Variants in ZNF324 observed in about 807,000 individuals in gnomAD.
The protein encoded by ZNF324 is zinc finger protein 324A.
A neutral mutation model predicts 10.3 loss-of-function variants in ZNF324; 3 were observed. That is an observed-to-expected ratio of 0.29 (90% CI 0.13 to 0.75). The LOEUF is 0.75. ZNF324 is among the 30% of genes least tolerant of loss of function. The pLI, the probability that ZNF324 is intolerant of heterozygous loss-of-function variation, is 0.69. For missense variants in ZNF324, 763 were observed against 784.4 expected (o/e 0.97, Z 0.33); for synonymous variants, 430 against 339.5 (o/e 1.27, Z -2.93).
In ZNF324 at chr19:58,471,040, C is replaced by A; in HGVS notation, c.548C>A (p.Ala183Glu). 6.2e-7 allele frequency: 1 copy of A among 1,614,022 alleles called. No homozygotes were observed. The highest frequency in any genetic ancestry group is 8.5e-7 in the Non-Finnish European group (1 of 1,180,038). ...RLREKTLTEH[A>E]LLGRQPRTPE... ...AGAGAAAAGACACTCACAGAGCATGCGTTGCTGGGGAGGCAGCCCAGGACG... is the reference window on the plus strand; with the variant it reads ...AGAGAAAAGACACTCACAGAGCATGAGTTGCTGGGGAGGCAGCCCAGGACG... Residue 183 changes from alanine (A) to glutamate (E), a missense_variant, in exon 4 of 4, where the codon GCG (alanine) becomes GAG (glutamate). By Grantham distance (107) the Ala-to-Glu change is moderately radical (BLOSUM62 -1). Coordinates refer to ENST00000196482, the MANE Select transcript of ZNF324 (RefSeq NM_014347.3).
rs759563645 is a variant in ZNF324 at position 58,471,755 on chromosome 19, C to G, written c.1263C>G (p.Gly421=). ...SLFKHQRVHT[G]EKPFACPQCG... ...TTAAGCACCAGCGCGTGCACACAGG[C>G]GAGAAGCCCTTCGCCTGCCCACAGT... Residue 421 remains glycine, a synonymous_variant, in exon 4 of 4, where the codon GGC becomes GGG. Transcript: ENST00000196482. 9.3e-6 allele frequency: 15 copies of G among 1,612,700 alleles called. No homozygotes were observed. The highest frequency in any genetic ancestry group is 1.3e-5 in the Non-Finnish European group (15 of 1,179,696).
At chr19:58,469,083 C>T in intron 1 of ZNF324, 97 bp from the exon 2 acceptor site, 1 of 1,492,234 alleles carries the variant, frequency 6.7e-7, no homozygotes, top group East Asian at 2.3e-5. Context: ...TTATGTGTTG[C>T]CCAAGACAAT....
intron 1 of ZNF324, 115 bp from the exon 2 acceptor site, chr19:58,469,055 TATTAGTGTTA>T: frequency 1.8e-6 from 2 of 1,133,620 alleles, no homozygotes; most frequent in South Asian, 1.4e-5. Context: ...CATCAGCTGT[TATTAGTGTTA>T]ATGTATTTTA....
chr19:58,472,243 C>A lies in ZNF324; in HGVS notation c.*89C>A. ...TGCAGATCCACAGCAGAGAAAAAGTCCCGTGCTTGCTAGTCAGGGACAAGG... is the reference window on the plus strand; with the variant it reads ...TGCAGATCCACAGCAGAGAAAAAGTACCGTGCTTGCTAGTCAGGGACAAGG... On this transcript the variant is annotated 3_prime_UTR_variant, in exon 4 of 4. Coordinates refer to ENST00000196482, the MANE Select transcript of ZNF324 (RefSeq NM_014347.3). The A allele has an allele frequency of 1.5e-6, 2 of 1,342,536 alleles. No homozygotes were observed. The highest frequency in any genetic ancestry group is 2.0e-6 in the Non-Finnish European group (2 of 1,008,600). 83.2% of individuals were successfully genotyped at this position (1,342,536 alleles called of 1,614,324 possible).
chr19:58,469,773 G>A lies in ZNF324; in HGVS notation c.167G>A (p.Gly56Asp). 1 of 1,595,194 alleles carries A rather than the reference G, an allele frequency of 6.3e-7. No individual in the cohort carries two copies. Among genetic ancestry groups the A allele is most frequent in the Non-Finnish European group, 8.5e-7 (1 of 1,171,066 alleles). The stretch of plus-strand genomic sequence containing the variant: ...CGTGTGGTCATCCAACTGGAGCGTG[G>A]CGAGGAGCCCTGGGTTCCCAGTGGA... The part of the protein sequence containing the change: ...RPRVVIQLER[G>D]EEPWVPSGTD... The change falls in exon 3 of 4, where the codon GGC becomes GAC. Residue 56 changes from glycine to aspartate, a missense_variant. Physicochemically the swap from Gly to Asp is moderately conservative, Grantham distance 94. Coordinates refer to ENST00000196482, the MANE Select transcript of ZNF324 (RefSeq NM_014347.3).
At position 58,473,632 on chromosome 19, in the gene ZNF324, G is replaced by A. The variant is rs777420632; in HGVS notation, c.*1478G>A. The A allele has an allele frequency of 6.6e-6, 1 of 152,202 alleles. No individual in the cohort carries two copies. Among genetic ancestry groups the A allele is most frequent in the East Asian group, 1.9e-4 (1 of 5,194 alleles). The allele number at this position is 152,202 out of a possible 1,614,324, so 9.4% of individuals were successfully genotyped here. On this transcript the variant is annotated 3_prime_UTR_variant, in exon 4 of 4. Coordinates refer to ENST00000196482, the MANE Select transcript of ZNF324 (RefSeq NM_014347.3). ...TATTTCACCCTCATACAATGCAGAT[G>A]GTATTGAACATACCCTGACATGCCA...
rs527718899 is a variant in ZNF324 at position 58,473,652 on chromosome 19, A to G, written c.*1498A>G. On this transcript the variant is annotated 3_prime_UTR_variant, in exon 4 of 4. Transcript: ENST00000196482. The stretch of plus-strand genomic sequence containing the variant: ...CAGATGGTATTGAACATACCCTGAC[A>G]TGCCATCAGCGTTTGTCATCATCAC... 2 of 152,356 alleles carry G rather than the reference A, an allele frequency of 1.3e-5. No homozygotes were observed. Among genetic ancestry groups the G allele is most frequent in the Non-Finnish European group, 1.5e-5 (1 of 68,050 alleles). The allele number at this position is 152,356 out of a possible 1,614,324, so 9.4% of individuals were successfully genotyped here.
At position 58,470,720 on chromosome 19, in the gene ZNF324, T is replaced by C. The variant is rs2053021805; in HGVS notation, c.239-11T>C. 1 of 1,614,106 alleles carries C rather than the reference T, an allele frequency of 6.2e-7. No individual in the cohort carries two copies. The highest frequency in any genetic ancestry group is 1.3e-5 in the African/African-American group (1 of 74,928). ...GGATGCCCCAGGCAACCACTGTTTC[T>C]CTGCCTTTAGGTTCCTGGAGTTTGA... is the stretch of plus-strand genomic sequence containing the variant. On this transcript the variant is annotated splice_polypyrimidine_tract_variant and intron_variant, in intron 3 of 3. Transcript: ENST00000196482.
Position 58,471,937 on chromosome 19 carries a change from T to G in ZNF324, c.1445T>G (p.Val482Gly), listed in dbSNP as rs538000380. 6.2e-7 allele frequency: 1 copy of G among 1,609,962 alleles called. No homozygotes were observed. Among genetic ancestry groups the G allele is most frequent in the East Asian group, 2.2e-5 (1 of 44,828 alleles). ...RRIHTGEKPF[V>G]CTQCGRAFRE... Reference sequence around the variant, plus strand: ...ATTCACACGGGCGAGAAGCCCTTCGTGTGTACGCAGTGTGGCCGCGCCTTC... The same window carrying G: ...ATTCACACGGGCGAGAAGCCCTTCGGGTGTACGCAGTGTGGCCGCGCCTTC... The change falls in exon 4 of 4, where the codon GTG becomes GGG. Residue 482 changes from valine (V) to glycine (G), a missense_variant. Around this residue, in one of 3 missense-constraint regions of ZNF324, gnomAD observed 231 missense variants for 196.0 expected, o/e 1.18. Transcript: ENST00000196482.
rs2122417228 is a variant in ZNF324 at position 58,471,741 on chromosome 19, C to T, written c.1249C>T (p.Arg417Cys). 7 of 1,612,696 alleles carry T rather than the reference C, an allele frequency of 4.3e-6. No individual in the cohort carries two copies. Among genetic ancestry groups the T allele is most frequent in the South Asian group, 1.1e-5 (1 of 91,048 alleles). The part of the protein sequence containing the change: ...SQGSSLFKHQ[R>C]VHTGEKPFAC... ...GGGCTCCTCGCTCTTTAAGCACCAGCGCGTGCACACAGGCGAGAAGCCCTT... is the reference window on the plus strand; with the variant it reads ...GGGCTCCTCGCTCTTTAAGCACCAGTGCGTGCACACAGGCGAGAAGCCCTT... Residue 417 changes from arginine (R) to cysteine (C), a missense_variant, in exon 4 of 4, where the codon CGC (arginine) becomes TGC (cysteine). By Grantham distance (180) the Arg-to-Cys change is radical. This residue lies in a region of ZNF324 where 153 missense variants were observed against 269.0 expected (regional missense o/e 0.57). Transcript: ENST00000196482.
At position 58,473,507 on chromosome 19, in the gene ZNF324, C is replaced by T. The variant is rs1290829061; in HGVS notation, c.*1353C>T. ...GGACCTCCAGAGCACAGCCTCTTGT[C>T]CCTACTCCAGAGCATGGTTCAGTCT... On this transcript the variant is annotated 3_prime_UTR_variant, in exon 4 of 4. Coordinates refer to ENST00000196482, the MANE Select transcript of ZNF324 (RefSeq NM_014347.3). 1 of 152,018 alleles carries T rather than the reference C, an allele frequency of 6.6e-6. No individual in the cohort carries two copies. Among genetic ancestry groups the T allele is most frequent in the Non-Finnish European group, 1.5e-5 (1 of 68,032 alleles). The allele number at this position is 152,018 out of a possible 1,614,324, so 9.4% of individuals were successfully genotyped here.
At position 58,474,907 on chromosome 19, in the gene ZNF324, A is replaced by C. The variant is rs1218217027; in HGVS notation, c.*2753A>C. The C allele has an allele frequency of 1.3e-5, 2 of 152,340 alleles. No individual in the cohort carries two copies. The highest frequency in any genetic ancestry group is 3.8e-4 in the East Asian group (2 of 5,196). The allele number at this position is 152,340 out of a possible 1,614,324, so 9.4% of individuals were successfully genotyped here. ...TGGCGAAGAGGAGAGAGTTCCCACC[A>C]GGCTGACTCCAGAACCGCAGAAGGC... On this transcript the variant is annotated 3_prime_UTR_variant, in exon 4 of 4. Transcript: ENST00000196482.
Position 58,472,199 on chromosome 19 carries a change from C to G in ZNF324, c.*45C>G. On this transcript the variant is annotated 3_prime_UTR_variant, in exon 4 of 4. Coordinates refer to ENST00000196482, the MANE Select transcript of ZNF324 (RefSeq NM_014347.3). ...GGCCTTCTGTGAATCCCTTCCACAG[C>G]TAAAGGGCATATGTCCTCTGCAGAT... The G allele has an allele frequency of 6.6e-7, 1 of 1,510,310 alleles. No homozygotes were observed. Among genetic ancestry groups the G allele is most frequent in the South Asian group, 1.2e-5 (1 of 80,176 alleles). 93.6% of individuals were successfully genotyped at this position (1,510,310 alleles called of 1,614,324 possible).
chr19:58,469,089 A>G (rs2053005556), intron 1 of ZNF324, 91 bp from the exon 2 acceptor site: 1 of 1,537,236 alleles, frequency 6.5e-7, no homozygotes, highest in South Asian at 1.1e-5. Flanking sequence ...GTTGCCCAAG[A>G]CAATTCTTCT....
chr19:58,472,669 G>A lies in ZNF324; in HGVS notation c.*515G>A, dbSNP rs2053048057. ...AGACAAGAGACCACAAGGGACTGGG[G>A]ATCAGGGTCTGGGCTCTGTCAGCCG... On this transcript the variant is annotated 3_prime_UTR_variant, in exon 4 of 4. Transcript: ENST00000196482. 1 of 155,312 alleles carries A rather than the reference G, an allele frequency of 6.4e-6. No homozygotes were observed. Among genetic ancestry groups the A allele is most frequent in the African/African-American group, 2.4e-5 (1 of 41,526 alleles). The allele number at this position is 155,312 out of a possible 1,614,324, so 9.6% of individuals were successfully genotyped here. A position where few individuals can be genotyped will look rare whatever the true frequency, so the allele number is the denominator to read the frequency against.
At chr19:58,468,560 G>T (rs962801422) in intron 1 of ZNF324, among the ~76,000 whole-genome samples, 1 of 152,084 alleles carries the variant, frequency 6.6e-6, no homozygotes, top group Admixed American at 6.5e-5. Context: ...CCCAGTGATG[G>T]GTATGCCTGG....
Position 58,471,842 on chromosome 19 carries a change from G to A in ZNF324, c.1350G>A (p.Glu450=). The A allele has an allele frequency of 1.2e-6, 2 of 1,612,868 alleles. No individual in the cohort carries two copies. The highest frequency in any genetic ancestry group is 1.1e-5 in the South Asian group (1 of 91,068). Reference sequence around the variant, plus strand: ...AGCACCAGCTCCTGCACACGGGCGAGCGGCCCTTCCGCTGCGTGGACTGTG... The same window carrying A: ...AGCACCAGCTCCTGCACACGGGCGAACGGCCCTTCCGCTGCGTGGACTGTG... The part of the protein sequence containing the change: ...LTQHQLLHTG[E]RPFRCVDCGK... Residue 450 remains glutamate (E), a synonymous_variant, in exon 4 of 4, where the codon GAG becomes GAA. Coordinates refer to ENST00000196482, the MANE Select transcript of ZNF324 (RefSeq NM_014347.3).
rs777307300 is a variant in ZNF324, at chr19:58,471,078, A to C, written c.586A>C (p.Lys196Gln). 19 of 1,613,762 alleles carry C rather than the reference A, an allele frequency of 1.2e-5. No individual in the cohort carries two copies. The African/African-American group carries it at 1.7e-4, about 15-fold the overall frequency. ...GRQPRTPERQ[K>Q]PCAQEVPGRT... ...GCAGCCCAGGACGCCTGAGCGGCAG[A>C]AACCATGTGCACAGGAGGTCCCTGG... Residue 196 changes from lysine to glutamine, a missense_variant, in exon 4 of 4, where the codon AAA (lysine) becomes CAA (glutamine). Lys to Gln is a moderately conservative substitution (Grantham distance 53, BLOSUM62 1). Transcript: ENST00000196482.
chr19:58,472,050 G>A lies in ZNF324; in HGVS notation c.1558G>A (p.Ala520Thr). 1 of 1,605,712 alleles carries A rather than the reference G, an allele frequency of 6.2e-7. No individual in the cohort carries two copies. Among genetic ancestry groups the A allele is most frequent in the Non-Finnish European group, 8.5e-7 (1 of 1,178,910 alleles). ...RRSRASLHPQARSVAGASSEG... is the reference protein window; with the variant it reads ...RRSRASLHPQTRSVAGASSEG... ...ATCCAGGGCCAGCCTGCACCCCCAG[G>A]CCAGGTCTGTTGCCGGGGCATCATC... Residue 520 changes from alanine to threonine, a missense_variant, in exon 4 of 4, where the codon GCC becomes ACC. By Grantham distance (58) the Ala-to-Thr change is moderately conservative (BLOSUM62 0). Coordinates refer to ENST00000196482, the MANE Select transcript of ZNF324 (RefSeq NM_014347.3).
Sources: gnomAD v4.1 joint callset for allele counts (sites outside exome capture counted in the v4.1 genomes callset) on GRCh38, gnomAD v4.1.1 for gene constraint, gnomAD v4.1.1 regional missense constraint, MANE v1.5 for transcripts, NCBI Gene and HGNC (gene_info 2026-07-23, HGNC 2026-07-21) for gene names.